The following RBFOX1 variants were observed in gnomAD, a reference collection of about 807,000 sequenced individuals.
RBFOX1 encodes RNA binding protein fox-1 homolog 1.
A neutral mutation model predicts 57.7 loss-of-function variants in RBFOX1; 8 were observed. The ratio of observed to expected loss-of-function variants is 0.14; its 90% confidence interval spans 0.08 to 0.25. The LOEUF (loss-of-function observed/expected upper bound fraction) is 0.25. Ranked by LOEUF, RBFOX1 falls within the 10% of genes least tolerant of loss-of-function variation. The pLI, the probability that RBFOX1 is intolerant of heterozygous loss-of-function variation, is 1.00. For synonymous variants in RBFOX1, 326 were observed against 222.4 expected (o/e 1.47, Z -4.15); for missense variants, 611 against 548.5 (o/e 1.11, Z -1.14).
intron 3 of RBFOX1, among the ~76,000 whole-genome samples, chr16:5,833,126 A>T (rs777270149): frequency 7.9e-5 from 12 of 152,196 alleles, no homozygotes; most frequent in Non-Finnish European, 1.8e-4. Context: ...CTAGAGCCTT[A>T]TGCATAAAGT....
At chr16:6,898,198 A>C (rs1440388368) in intron 3 of RBFOX1, among the ~76,000 whole-genome samples, 1 of 152,140 alleles carries the variant, frequency 6.6e-6, no homozygotes, top group East Asian at 1.9e-4. Context: ...CTTACAGTCC[A>C]TTGTGGAGTT....
chr16:6,950,932 A>G (rs1568040150), intron 3 of RBFOX1, among the ~76,000 whole-genome samples: 3 of 146,984 alleles, frequency 2.0e-5, no homozygotes, highest in Admixed American at 1.4e-4. Context: ...TTGACATAGG[A>G]TCTTGCTCTG....
At chr16:6,672,690 T>G (rs1444065703) in intron 3 of RBFOX1, among the ~76,000 whole-genome samples, 2 of 152,140 alleles carry the variant, frequency 1.3e-5, no homozygotes, top group East Asian at 1.9e-4. Context: ...TGATTCCGCT[T>G]CTGCTTTTCT....
intron 3 of RBFOX1, among the ~76,000 whole-genome samples, chr16:6,998,623 G>C (rs2092476274): frequency 1.3e-5 from 2 of 152,054 alleles, no homozygotes; most frequent in African/African-American, 2.4e-5. Context: ...GTTGCTTTTT[G>C]GTGTCTCCAA....
At chr16:7,294,302 A>G (rs960386273) in intron 4 of RBFOX1, among the ~76,000 whole-genome samples, 1 of 152,054 alleles carries the variant, frequency 6.6e-6, no homozygotes, top group Non-Finnish European at 1.5e-5. Flanking sequence ...TCAACTGCCA[A>G]ACGCTGCACC....
chr16:5,805,345 CA>C (rs1387537586), intron 3 of RBFOX1, among the ~76,000 whole-genome samples: 1 of 152,130 alleles, frequency 6.6e-6, no homozygotes, highest in Non-Finnish European at 1.5e-5. Flanking sequence ...AATTAGCATC[CA>C]TAAGTTCAAA....
chr16:6,117,595 G>T (rs562359483), intron 1 of RBFOX1, among the ~76,000 whole-genome samples: 5 of 152,234 alleles, frequency 3.3e-5, no homozygotes, highest in Non-Finnish European at 7.3e-5. Flanking sequence ...GCCTTTTGCC[G>T]TGTGAAGACA....
chr16:6,371,361 CT>C (rs2152893431), intron 2 of RBFOX1, among the ~76,000 whole-genome samples: 1 of 152,176 alleles, frequency 6.6e-6, no homozygotes, highest in East Asian at 1.9e-4. Flanking sequence ...ATTTCCTTTC[CT>C]ATATATATAC....
intron 3 of RBFOX1, among the ~76,000 whole-genome samples, chr16:5,694,423 C>T (rs1207447100): frequency 6.6e-6 from 1 of 152,228 alleles, no homozygotes; most frequent in African/African-American, 2.4e-5. Context: ...GATTTCGGTT[C>T]TGTAACTTCG....
At chr16:7,166,969 G>GTTC (rs2079646098) in intron 4 of RBFOX1, among the ~76,000 whole-genome samples, 1 of 49,866 alleles carries the variant, frequency 2.0e-5, no homozygotes, top group Admixed American at 1.9e-4. Context: ...CTGCATTGGT[G>GTTC]TTCTTTTTTT....
At chr16:6,900,196 T>G (rs908180927) in intron 3 of RBFOX1, among the ~76,000 whole-genome samples, 1 of 152,204 alleles carries the variant, frequency 6.6e-6, no homozygotes, top group Non-Finnish European at 1.5e-5. Flanking sequence ...TGTGGTGAAT[T>G]GGAATGTATC....
Position 6,184,089 on chromosome 16 carries a change from G to A in RBFOX1, c.-126-132906G>A, listed in dbSNP as rs35790371. ...GGCAAGAGAAAGAGACAAAGGAAAG[G>A]GATTTCCCCTTATAAAACCATCCTA... On this transcript the variant is annotated intron_variant, in intron 1 of 15. Coordinates refer to ENST00000550418, the MANE Select transcript of RBFOX1 (RefSeq NM_018723.4). 4.3e-3 allele frequency among the ~76,000 whole-genome samples: 659 copies of A among 152,234 alleles called. 5 individuals are homozygous for A. Among genetic ancestry groups the A allele is most frequent in the Non-Finnish European group, 6.8e-3 (465 of 68,008 alleles).
chr16:5,698,059 C>T (rs985479300), intron 3 of RBFOX1, among the ~76,000 whole-genome samples: 5 of 152,124 alleles, frequency 3.3e-5, no homozygotes, highest in Non-Finnish European at 5.9e-5. Flanking sequence ...GGTTTTGAAT[C>T]GTTATTGGAT....
intron 3 of RBFOX1, among the ~76,000 whole-genome samples, chr16:6,762,532 C>G (rs759576846): frequency 2.0e-5 from 3 of 152,140 alleles, no homozygotes. Context: ...AGGTATACGC[C>G]CACGGTCGTT....
At chr16:7,035,394 A>G (rs1023083991) in intron 3 of RBFOX1, among the ~76,000 whole-genome samples, 1 of 152,124 alleles carries the variant, frequency 6.6e-6, no homozygotes, top group African/African-American at 2.4e-5. Flanking sequence ...TTATACACTT[A>G]AATTAAATAA....
chr16:6,694,318 A>G (rs2060697330), intron 3 of RBFOX1, among the ~76,000 whole-genome samples: 1 of 152,230 alleles, frequency 6.6e-6, no homozygotes, highest in African/African-American at 2.4e-5. Context: ...AAACAATTTA[A>G]GAGATTATCT....
chr16:7,107,440 T>A (rs2063810065), intron 4 of RBFOX1, among the ~76,000 whole-genome samples: 1 of 152,122 alleles, frequency 6.6e-6, no homozygotes, highest in African/African-American at 2.4e-5. Flanking sequence ...ACAACACTCC[T>A]CTCCTTACTC....
intron 1 of RBFOX1, among the ~76,000 whole-genome samples, chr16:5,441,658 C>G (rs927609723): frequency 6.6e-6 from 1 of 152,116 alleles, no homozygotes; most frequent in Non-Finnish European, 1.5e-5. Context: ...AGCCACTGTT[C>G]CTGGCAGGAA....
intron 4 of RBFOX1, among the ~76,000 whole-genome samples, chr16:7,153,208 T>C (rs2076424006): frequency 6.6e-6 from 1 of 151,970 alleles, no homozygotes; most frequent in African/African-American, 2.4e-5. Flanking sequence ...TTTTTTTAAA[T>C]TCTGCAATAA....
Sources: allele counts gnomAD v4.1 joint callset (sites outside exome capture counted in the v4.1 genomes callset), GRCh38; gene constraint gnomAD v4.1.1; transcripts MANE v1.5; gene names NCBI Gene and HGNC (gene_info 2026-07-23, HGNC 2026-07-21).